The following GLT8D2 variants were observed in gnomAD, a reference collection of about 807,000 sequenced individuals.
GLT8D2 encodes glycosyltransferase 8 domain containing 2, also known as glycosyltransferase 8 domain-containing protein 2.
Under a neutral mutation model 44.5 loss-of-function variants are expected in GLT8D2, and 45 were observed. The ratio of observed to expected loss-of-function variants is 1.01; its 90% CI spans 0.80 to 1.30. The LOEUF (loss-of-function observed/expected upper bound fraction) is 1.30. Among genes scored for constraint, GLT8D2 ranks in the 50% most tolerant of loss-of-function variants. GLT8D2 has a pLI of 0.00. For synonymous variants in GLT8D2, 156 were observed against 157.2 expected (o/e 0.99, Z 0.06); for missense variants, 400 against 430.4 (o/e 0.93, Z 0.62).
chr12:104,016,061 T>C (rs1224523121), intron 3 of GLT8D2, among the ~76,000 whole-genome samples: 1 of 152,198 alleles, frequency 6.6e-6, no homozygotes, highest in Admixed American at 6.5e-5. Context: ...CCAATTTGGA[T>C]GCCCTTTATT....
In GLT8D2 at chr12:103,989,381, A is replaced by G; in HGVS notation, c.*27T>C. On this transcript the variant is annotated 3_prime_UTR_variant, in exon 11 of 11. Coordinates refer to ENST00000360814, the MANE Select transcript of GLT8D2 (RefSeq NM_001384711.1). ...AAGGGACAATTCCACATTTCTATACAGGGAATATTTTAAGGGTAGAGTTAT... is the reference window on the plus strand; with the variant it reads ...AAGGGACAATTCCACATTTCTATACGGGGAATATTTTAAGGGTAGAGTTAT... The G allele has an allele frequency of 2.6e-6, 4 of 1,562,130 alleles. No homozygotes were observed. The Middle Eastern group carries it at 5.1e-4, about 201-fold the overall frequency.
chr12:104,019,320 G>A (rs922534596), intron 3 of GLT8D2, among the ~76,000 whole-genome samples: 2 of 151,858 alleles, frequency 1.3e-5, no homozygotes, highest in African/African-American at 4.8e-5. Context: ...TAGAGATGGG[G>A]TCTCTCCATG....
intron 1 of GLT8D2, among the ~76,000 whole-genome samples, chr12:104,043,910 G>A (rs954178137): frequency 1.3e-5 from 2 of 152,176 alleles, no homozygotes; most frequent in Admixed American, 6.5e-5. Context: ...ACCACCTTCT[G>A]TGGCTCCACC....
Position 103,996,799 on chromosome 12 carries a change from G to A in GLT8D2, c.536C>T (p.Ala179Val), listed in dbSNP as rs143994495. 1.3e-4 allele frequency: 203 copies of A among 1,614,002 alleles called. 1 individual carries two copies. The highest frequency in any genetic ancestry group is 1.5e-4 in the Non-Finnish European group (179 of 1,179,982). Residue 179 changes from alanine (A) to valine (V), a missense_variant, in exon 8 of 11, where the codon GCG (alanine) becomes GTG (valine). Ala to Val is a moderately conservative substitution (Grantham distance 64). Transcript: ENST00000360814. Reference protein sequence around the residue: ...YDTTLALGHAAAFSDDCDLPS... With the variant: ...YDTTLALGHAVAFSDDCDLPS... ...CAAATCGCAGTCATCTGAGAAAGCCGCCGCGTGGCCCAGGGCCAAGGTGGT... is the reference window on the plus strand; with the variant it reads ...CAAATCGCAGTCATCTGAGAAAGCCACCGCGTGGCCCAGGGCCAAGGTGGT...
At chr12:103,996,897 G>C in intron 7 of GLT8D2, 50 bp from the exon 8 acceptor site, 1 of 1,300,924 alleles carries the variant, frequency 7.7e-7, no homozygotes, top group Admixed American at 1.8e-5. Flanking sequence ...TTGTTTTTGG[G>C]CTAGATAGAG....
rs1272851014 is a variant in GLT8D2 at position 103,992,488 on chromosome 12, TCTC to T, written c.880+901_880+903del. ...ACAGTGAAAGTTCTCTCTCTCTCTCTCTCTTTTTTTTTTTTTTTTTTGAGATAG... is the reference window on the plus strand; with the variant it reads ...ACAGTGAAAGTTCTCTCTCTCTCTCTTTTTTTTTTTTTTTTTTTGAGATAG... On this transcript the variant is annotated intron_variant, in intron 10 of 10. Transcript: ENST00000360814. Among the ~76,000 whole-genome samples, 404 of 143,552 alleles carry T rather than the reference TCTC, an allele frequency of 2.8e-3. 5 individuals are homozygous for T. Among genetic ancestry groups the T allele is most frequent in the African/African-American group, 1.0e-2 (386 of 38,738 alleles). The allele number at this position is 143,552 out of a possible 152,430, so 94.2% of individuals were successfully genotyped here.
At chr12:103,999,640 A>G (rs1269199286) in intron 5 of GLT8D2, 126 bp from the exon 6 acceptor site, 2 of 647,586 alleles carry the variant, frequency 3.1e-6, no homozygotes, top group Non-Finnish European at 5.6e-6. Context: ...AATTTAGTAG[A>G]GTTTAGTCCA....
At chr12:104,020,257 G>A (rs1877460310) in intron 2 of GLT8D2, among the ~76,000 whole-genome samples, 1 of 151,978 alleles carries the variant, frequency 6.6e-6, no homozygotes, top group East Asian at 1.9e-4. Flanking sequence ...AAAGAGCTCT[G>A]TCAGCCTTCT....
chr12:104,060,466 G>A (rs1466632181), intron 1 of GLT8D2, among the ~76,000 whole-genome samples: 1 of 152,178 alleles, frequency 6.6e-6, no homozygotes, highest in East Asian at 1.9e-4. Flanking sequence ...TATGTACTTT[G>A]TCATAGATTG....
At chr12:103,994,238 C>T in intron 9 of GLT8D2, 97 bp downstream of exon 9, 2 of 1,185,628 alleles carry the variant, frequency 1.7e-6, no homozygotes, top group Non-Finnish European at 2.3e-6. Context: ...CCTGAGATGA[C>T]TGTGAAATAT....
chr12:104,001,144 A>G (rs1874163130), intron 5 of GLT8D2, among the ~76,000 whole-genome samples: 1 of 152,218 alleles, frequency 6.6e-6, no homozygotes, highest in African/African-American at 2.4e-5. Flanking sequence ...AGATCATACT[A>G]TACGAGTTAT....
At chr12:104,011,145 T>C (rs1361345681) in intron 4 of GLT8D2, among the ~76,000 whole-genome samples, 2 of 152,204 alleles carry the variant, frequency 1.3e-5, no homozygotes, top group Non-Finnish European at 2.9e-5. Context: ...GAAGGACAAA[T>C]GCACACTGGA....
intron 1 of GLT8D2, among the ~76,000 whole-genome samples, chr12:104,022,772 GCACA>G (rs543386856): frequency 2.1e-5 from 3 of 142,058 alleles, no homozygotes; most frequent in Non-Finnish European, 3.1e-5. Context: ...ACACACACAT[GCACA>G]CACACACACA....
chr12:104,045,201 G>A (rs1880952310), intron 1 of GLT8D2, among the ~76,000 whole-genome samples: 2 of 152,188 alleles, frequency 1.3e-5, no homozygotes, highest in African/African-American at 2.4e-5. Context: ...TCAGCCAGAA[G>A]GAGGGGAACT....
intron 1 of GLT8D2, among the ~76,000 whole-genome samples, chr12:104,057,586 T>G (rs948194565): frequency 6.6e-6 from 1 of 151,732 alleles, no homozygotes; most frequent in Admixed American, 6.6e-5. Context: ...TAAAGAAATA[T>G]TAGGTTTACA....
intron 4 of GLT8D2, chr12:104,014,390 C>T: frequency 1.6e-6 from 1 of 633,266 alleles, no homozygotes. Context: ...ATGTAATAAA[C>T]AGTGCTTCCT....
chr12:104,004,589 GACAA>G (rs1257380956), intron 4 of GLT8D2, among the ~76,000 whole-genome samples: 7 of 152,120 alleles, frequency 4.6e-5, no homozygotes, highest in Non-Finnish European at 8.8e-5. Flanking sequence ...ACCAATAACA[GACAA>G]ACAGAGAGCC....
chr12:104,019,661 G>T lies in GLT8D2; in HGVS notation c.-13C>A. 6.2e-7 allele frequency: 1 copy of T among 1,606,832 alleles called. No homozygotes were observed. The highest frequency in any genetic ancestry group is 1.1e-5 in the South Asian group (1 of 90,074). On this transcript the variant is annotated 5_prime_UTR_variant, in exon 3 of 11. Transcript: ENST00000360814. ...GTAACAGAGCCATGTGTATTCACGC[G>T]GATAAGAACTGTAACCTGTGGATTA... is the stretch of plus-strand genomic sequence containing the variant.
At chr12:104,030,691 CA>C in intron 1 of GLT8D2, 1 of 1,594,416 alleles carries the variant, frequency 6.3e-7, no homozygotes, top group African/African-American at 1.3e-5. Flanking sequence ...AACTCAATAG[CA>C]AAAAAACAAA....
Sources: allele counts gnomAD v4.1 joint callset (sites outside exome capture counted in the v4.1 genomes callset), GRCh38; gene constraint gnomAD v4.1.1; transcripts MANE v1.5; gene names NCBI Gene and HGNC (gene_info 2026-07-23, HGNC 2026-07-21).